EIF3M: variants seen among roughly 807,000 people sequenced by gnomAD.
EIF3M encodes the protein B5 receptor.
Under a neutral mutation model 49.7 loss-of-function variants are expected in EIF3M, and 25 were observed. That is an observed-to-expected ratio of 0.50 (90% confidence interval 0.37 to 0.70). The LOEUF (loss-of-function observed/expected upper bound fraction) is 0.70, where lower values mean the gene tolerates loss of function less well. EIF3M is among the 30% of genes least tolerant of loss of function. The pLI is 0.00. For missense variants in EIF3M, 350 were observed against 440.0 expected (o/e 0.80, Z 1.83); for synonymous variants, 156 against 149.8 (o/e 1.04, Z -0.30).
At chr11:32,592,737 T>TA in intron 5 of EIF3M, 1 of 499,254 alleles carries the variant, frequency 2.0e-6, no homozygotes, top group Non-Finnish European at 4.0e-6. Context: ...CAGTTTTTTT[T>TA]AGCTGCTCTG....
rs1261334992 is a variant in EIF3M at position 32,602,870 on chromosome 11, T to TGTCA, written c.*472_*475dup. The TGTCA allele has an allele frequency of 6.2e-7, 1 of 1,611,906 alleles. No homozygotes were observed. Among genetic ancestry groups the TGTCA allele is most frequent in the Admixed American group, 1.7e-5 (1 of 59,710 alleles). On this transcript the variant is annotated 3_prime_UTR_variant, in exon 11 of 11. Transcript: ENST00000531120. ...TCTGCTTTTCTTTTCTTTGGCTGGT[T>TGTCA]GTCATTTTCTAAACTTAGTAAATTT...
At chr11:32,585,083 C>T (rs1383773551) in intron 1 of EIF3M, among the ~76,000 whole-genome samples, 1 of 152,024 alleles carries the variant, frequency 6.6e-6, no homozygotes, top group South Asian at 2.1e-4. Flanking sequence ...GAGTGAGTTC[C>T]CCCTCTCTCC....
intron 1 of EIF3M, 104 bp downstream of exon 1, chr11:32,584,033 C>A: frequency 6.8e-7 from 1 of 1,464,172 alleles, no homozygotes; most frequent in Non-Finnish European, 9.3e-7. Context: ...CTGACACCCG[C>A]AGCTGTTCTA....
intron 1 of EIF3M, among the ~76,000 whole-genome samples, chr11:32,586,515 T>C (rs1855000559): frequency 6.6e-6 from 1 of 152,218 alleles, no homozygotes; most frequent in Admixed American, 6.5e-5. Context: ...AATGCTTATC[T>C]CAAATAGCTT....
intron 5 of EIF3M, among the ~76,000 whole-genome samples, chr11:32,591,013 C>A (rs1471224711): frequency 2.0e-5 from 3 of 152,090 alleles, no homozygotes; most frequent in Non-Finnish European, 4.4e-5. Flanking sequence ...CCACGCCCGG[C>A]TAATTTTTTG....
At chr11:32,592,108 T>G (rs1287474125) in intron 5 of EIF3M, 1 of 306,002 alleles carries the variant, frequency 3.3e-6, no homozygotes, top group African/African-American at 2.2e-5. Flanking sequence ...TAACTACTTC[T>G]GCTGCCACCA....
In EIF3M at chr11:32,603,287, A is replaced by G. The variant is rs1855301047; in HGVS notation, c.*888A>G. The G allele has an allele frequency of 3.2e-6, 1 of 314,100 alleles. No homozygotes were observed. Among genetic ancestry groups the G allele is most frequent in the Non-Finnish European group, 5.8e-6 (1 of 172,648 alleles). The allele number at this position is 314,100 out of a possible 1,614,324, so 19.5% of individuals were successfully genotyped here. ...CATGTTTCCTCCCATGCTTCAGAAC[A>G]CCATTGTTGAAGAAACAGGAAGGGC... On this transcript the variant is annotated 3_prime_UTR_variant, in exon 11 of 11. Transcript: ENST00000531120.
intron 2 of EIF3M, 91 bp from the exon 3 acceptor site, chr11:32,588,503 T>G: frequency 6.9e-7 from 1 of 1,443,794 alleles, no homozygotes; most frequent in East Asian, 2.3e-5. Context: ...TTGATGGTCT[T>G]CATTGTATTA....
At position 32,584,104 on chromosome 11, in the gene EIF3M, C is replaced by G. The variant is rs532165855; in HGVS notation, c.42+175C>G. On this transcript the variant is annotated intron_variant, in intron 1 of 10. Coordinates refer to ENST00000531120, the MANE Select transcript of EIF3M (RefSeq NM_006360.6). ...CGTTCCTGGCCTCGATTCGCACCAG[C>G]TCGCCGGCCGGCGGTCCCAGCGCGG... The G allele has an allele frequency of 6.2e-6, 5 of 801,234 alleles. No homozygotes were observed. The Admixed American group carries it at 1.5e-4, about 23-fold the overall frequency. The allele number at this position is 801,234 out of a possible 1,614,324, so 49.6% of individuals were successfully genotyped here.
chr11:32,601,052 G>C, intron 9 of EIF3M: 1 of 402,156 alleles, frequency 2.5e-6, no homozygotes, highest in Admixed American at 4.7e-5. Flanking sequence ...GAACAAAGAC[G>C]TTTAGGCAAT....
chr11:32,587,450 T>TA (rs1251602967), intron 2 of EIF3M, among the ~76,000 whole-genome samples: 1 of 152,244 alleles, frequency 6.6e-6, no homozygotes. Context: ...ACAGTTCTCT[T>TA]CTAGCTCTTT....
rs1590533593 is a variant in EIF3M at position 32,602,616 on chromosome 11, G to T, written c.*217G>T. On this transcript the variant is annotated 3_prime_UTR_variant, in exon 11 of 11. Transcript: ENST00000531120. ...TTCTTTAAAAAAGGATATTGAAGAAGCAATGAGCACTTTAAAGAAAGGATA... is the reference window on the plus strand; with the variant it reads ...TTCTTTAAAAAAGGATATTGAAGAATCAATGAGCACTTTAAAGAAAGGATA... 5 of 744,702 alleles carry T rather than the reference G, an allele frequency of 6.7e-6. No individual in the cohort carries two copies. The East Asian group carries it at 1.4e-4, about 20-fold the overall frequency. 46.1% of individuals were successfully genotyped at this position (744,702 alleles called of 1,614,324 possible).
In EIF3M at chr11:32,604,875, CAG is replaced by C. The variant is rs142311812; in HGVS notation, c.*2479_*2480del. The C allele has an allele frequency of 0.03, 4,548 of 152,088 alleles. 86 individuals carry two copies. Among genetic ancestry groups the C allele is most frequent in the Non-Finnish European group, 0.039 (2,685 of 67,988 alleles). 9.4% of individuals were successfully genotyped at this position (152,088 alleles called of 1,614,324 possible). A position where few individuals can be genotyped will look rare whatever the true frequency, so the allele number is the denominator to read the frequency against. On this transcript the variant is annotated 3_prime_UTR_variant, in exon 11 of 11. Transcript: ENST00000531120. ...AGTTTATTTTATTTTATTTTTGAGA[CAG>C]AGTCTTGCACTGTCGCCCAGGCTGG...
chr11:32,585,286 G>A (rs970508337), intron 1 of EIF3M, among the ~76,000 whole-genome samples: 2 of 152,166 alleles, frequency 1.3e-5, no homozygotes, highest in Non-Finnish European at 2.9e-5. Context: ...AACTGAGAAA[G>A]TGTTTGGAAT....
In EIF3M at chr11:32,583,937, T is replaced by G. The variant is rs1308015303; in HGVS notation, c.42+8T>G. 6.2e-7 allele frequency: 1 copy of G among 1,612,014 alleles called. No individual in the cohort carries two copies. The highest frequency in any genetic ancestry group is 1.4e-5 in the African/African-American group (1 of 73,408). The stretch of plus-strand genomic sequence containing the variant: ...ATCAGTGAAGAAGATCAGGTGTGCT[T>G]CGGTCTACGGGTGCCGCCACGGTGG... On this transcript the variant is annotated splice_region_variant and intron_variant, in intron 1 of 10. Transcript: ENST00000531120.
intron 1 of EIF3M, 70 bp downstream of exon 1, chr11:32,583,999 C>G (rs560583411): frequency 2.1e-5 from 34 of 1,593,500 alleles, no homozygotes; most frequent in South Asian, 5.6e-5. Context: ...GGACCGCTGC[C>G]GAGCCTGGGC....
chr11:32,584,862 C>T (rs967103562), intron 1 of EIF3M, among the ~76,000 whole-genome samples: 2 of 152,140 alleles, frequency 1.3e-5, no homozygotes, highest in African/African-American at 2.4e-5. Context: ...TCATTTTCCC[C>T]ATAACAAAAG....
Position 32,593,906 on chromosome 11 carries a change from T to G in EIF3M, c.574T>G (p.Tyr192Asp), listed in dbSNP as rs1361890822. ...SKVMVELLGS[Y>D]TEDNASQARV... is the part of the protein sequence containing the mutation. ...AGTCATGGTGGAATTGCTCGGAAGT[T>G]ACACAGAGGACAATGCTTCCCAGGC... Residue 192 changes from tyrosine (Y) to aspartate (D), a missense_variant, in exon 6 of 11, where the codon TAC (tyrosine) becomes GAC (aspartate). Physicochemically the swap from Tyr to Asp is radical, Grantham distance 160. Coordinates refer to ENST00000531120, the MANE Select transcript of EIF3M (RefSeq NM_006360.6). 6.3e-7 allele frequency: 1 copy of G among 1,579,992 alleles called. No homozygotes were observed.
chr11:32,601,036 C>T, intron 9 of EIF3M: 1 of 481,360 alleles, frequency 2.1e-6, no homozygotes, highest in Non-Finnish European at 3.3e-6. Flanking sequence ...CCCTTGAAAT[C>T]ACGTAGAACA....
Sources: allele counts gnomAD v4.1 joint callset (sites outside exome capture counted in the v4.1 genomes callset), GRCh38; gene constraint gnomAD v4.1.1; transcripts MANE v1.5; gene names NCBI Gene and HGNC (gene_info 2026-07-23, HGNC 2026-07-21).